Variants in CIMAP2 observed in about 807,000 individuals in gnomAD.
CIMAP2 encodes ciliary microtubule-associated protein 2.
the CIMAP2 span, among the ~76,000 whole-genome samples, chr1:54,820,007 CTTTT>C: frequency 7.7e-6 from 1 of 129,816 alleles, no homozygotes; most frequent in Non-Finnish European, 1.6e-5. Context: ...TTCTCCCTCT[CTTTT>C]CCTTCTTTCC....
At chr1:54,811,765 G>GCCGGGGGGGGGCCCC in the CIMAP2 span, 11 of 1,301,324 alleles carry the variant, frequency 8.5e-6, no homozygotes, top group Non-Finnish European at 8.7e-6. Context: ...GGTTCTGACA[G>GCCGGGGGGGGGCCCC]CCTCCATGCC....
At chr1:54,811,958 C>T in the CIMAP2 span, 2 of 1,613,992 alleles carry the variant, frequency 1.2e-6, no homozygotes, top group East Asian at 4.5e-5. Flanking sequence ...CCAGGCCTTG[C>T]CTGCCTTCCC....
the CIMAP2 span, among the ~76,000 whole-genome samples, chr1:54,817,909 G>A: frequency 6.6e-6 from 1 of 152,190 alleles, no homozygotes; most frequent in Admixed American, 6.5e-5. Flanking sequence ...AAGGGCTGAG[G>A]AAGGAAAGAT....
the CIMAP2 span, chr1:54,807,542 G>A: frequency 6.3e-7 from 1 of 1,580,586 alleles, no homozygotes; most frequent in Non-Finnish European, 8.6e-7. Context: ...ATAGGCCCTG[G>A]GACTTACAGC....
At chr1:54,815,427 C>A in the CIMAP2 span, among the ~76,000 whole-genome samples, 1 of 148,988 alleles carries the variant, frequency 6.7e-6, no homozygotes, top group East Asian at 2.0e-4. Context: ...CCATGCCATT[C>A]TCTTATTTTC....
At chr1:54,838,141 T>C in the CIMAP2 span, among the ~76,000 whole-genome samples, 10 of 152,054 alleles carry the variant, frequency 6.6e-5, no homozygotes, top group African/African-American at 2.4e-4. Context: ...GGGTAACAAC[T>C]GTTAATCAAA....
At chr1:54,814,987 T>A in the CIMAP2 span, 3 of 1,614,088 alleles carry the variant, frequency 1.9e-6, no homozygotes, top group African/African-American at 4.0e-5. Context: ...CCATTCCTGT[T>A]GACCTCCAAG....
At chr1:54,815,053 G>T in the CIMAP2 span, 1 of 1,613,868 alleles carries the variant, frequency 6.2e-7, no homozygotes, top group Non-Finnish European at 8.5e-7. Context: ...AGTGGGTCTG[G>T]GGTGAGGGAT....
the CIMAP2 span, among the ~76,000 whole-genome samples, chr1:54,808,616 G>GGGGT: frequency 7.2e-6 from 1 of 139,556 alleles, no homozygotes; most frequent in Admixed American, 7.1e-5. Flanking sequence ...TGCTGCCGGG[G>GGGGT]GAGGGCAGTG....
the CIMAP2 span, among the ~76,000 whole-genome samples, chr1:54,836,842 G>T: frequency 4.6e-5 from 7 of 152,070 alleles, no homozygotes; most frequent in Non-Finnish European, 1.0e-4. Context: ...AGGGGATATG[G>T]AAGAACGAAG....
the CIMAP2 span, among the ~76,000 whole-genome samples, chr1:54,820,003 C>A: frequency 7.5e-6 from 1 of 133,000 alleles, no homozygotes; most frequent in Non-Finnish European, 1.6e-5. Context: ...TTCTTTCTCC[C>A]TCTCTTTTCC....
chr1:54,811,789 C>CCCCCCCCCA, the CIMAP2 span: 3 of 1,588,828 alleles, frequency 1.9e-6, no homozygotes, highest in Admixed American at 1.7e-5. Context: ...ACCCCCGCCC[C>CCCCCCCCCA]ACAGAACTAC....
At chr1:54,815,184 T>G in the CIMAP2 span, 3 of 1,227,442 alleles carry the variant, frequency 2.4e-6, no homozygotes, top group East Asian at 4.8e-5. Context: ...TGAGGTCCAC[T>G]CCCACTGTCT....
the CIMAP2 span, chr1:54,807,124 G>C: frequency 6.4e-7 from 1 of 1,562,416 alleles, no homozygotes; most frequent in Non-Finnish European, 8.8e-7. Flanking sequence ...CACAGGGTCT[G>C]GCCACTGCCC....
the CIMAP2 span, chr1:54,806,901 T>A: frequency 8.6e-7 from 1 of 1,156,296 alleles, no homozygotes; most frequent in Non-Finnish European, 1.3e-6. Context: ...CAAAGTCACC[T>A]TCCCGGGCAG....
chr1:54,809,482 T>C, the CIMAP2 span, among the ~76,000 whole-genome samples: 150,629 of 152,338 alleles, frequency 0.99, 74,488 homozygotes, highest in Middle Eastern at 1. Flanking sequence ...GCACTTACCA[T>C]GTACTAATTA....
At chr1:54,810,966 C>T in the CIMAP2 span, among the ~76,000 whole-genome samples, 1 of 152,236 alleles carries the variant, frequency 6.6e-6, no homozygotes, top group African/African-American at 2.4e-5. Context: ...CATGCTCTGT[C>T]TCACTGCCTC....
chr1:54,811,765 G>GCGGGGGGGGGGGGGGGCCGGCGCCGC, the CIMAP2 span: 1 of 1,301,332 alleles, frequency 7.7e-7, no homozygotes. Context: ...GGTTCTGACA[G>GCGGGGGGGGGGGGGGGCCGGCGCCGC]CCTCCATGCC....
chr1:54,814,731 T>G, the CIMAP2 span, among the ~76,000 whole-genome samples: 1 of 151,876 alleles, frequency 6.6e-6, no homozygotes, highest in Non-Finnish European at 1.5e-5. Flanking sequence ...TTTGTTAGAG[T>G]GGGTGGCATG....
Sources: gnomAD v4.1 joint callset for allele counts (sites outside exome capture counted in the v4.1 genomes callset) on GRCh38, gnomAD v4.1.1 for gene constraint, MANE v1.5 for transcripts, NCBI Gene and HGNC (gene_info 2026-07-23, HGNC 2026-07-21) for gene names.